RNF217: variants seen among roughly 807,000 people sequenced by gnomAD.
RNF217 encodes the protein ring finger protein 217, also known as E3 ubiquitin-protein ligase RNF217.
RNF217 carries 31 observed loss-of-function variants against 57.8 expected under a neutral mutation model. The ratio of observed to expected loss-of-function variants is 0.54; its 90% CI spans 0.40 to 0.72. The LOEUF (loss-of-function observed/expected upper bound fraction) is 0.72, where lower values mean the gene tolerates loss of function less well. Ranked by LOEUF, RNF217 falls within the 30% of genes least tolerant of loss-of-function variation. The pLI is 0.00. For synonymous variants in RNF217, 313 were observed against 294.0 expected, an observed-to-expected ratio of 1.06 and a Z score of -0.66; for missense variants, 696 against 708.3, an observed-to-expected ratio of 0.98 and a Z score of 0.20.
rs919172582 is a variant in RNF217, at chr6:125,013,976, G to T, written c.883-31235G>T. Among the ~76,000 whole-genome samples the T allele has an allele frequency of 2.0e-5, 3 of 152,148 alleles. No individual in the cohort carries two copies. In the East Asian group the frequency reaches 5.8e-4, roughly 29 times the overall value. On this transcript the variant is annotated intron_variant, in intron 1 of 5. Coordinates refer to ENST00000521654, the MANE Select transcript of RNF217 (RefSeq NM_001286398.3). ...CATGTGCAAGTTATACTGTCATCCT[G>T]TCTCTGTTTATAAAAGAAATTTATT... is the stretch of plus-strand genomic sequence containing the variant.
In RNF217 at chr6:124,982,535, C is replaced by CA. The variant is rs1028842258; in HGVS notation, c.882+19119dup. Among the ~76,000 whole-genome samples, 39 of 144,340 alleles carry CA rather than the reference C, an allele frequency of 2.7e-4. No individual in the cohort carries two copies. The South Asian group carries it at 2.8e-3, about 11-fold the overall frequency. The allele number at this position is 144,340 out of a possible 152,430, so 94.7% of individuals were successfully genotyped here. Reference sequence around the variant, plus strand: ...TAGTCTAATCCCCACCCCCAGCCTCCAAAAAAAAAAGGATTCCTGCATTGA... The same window carrying CA: ...TAGTCTAATCCCCACCCCCAGCCTCCAAAAAAAAAAAGGATTCCTGCATTGA... On this transcript the variant is annotated intron_variant, in intron 1 of 5. Coordinates refer to ENST00000521654, the MANE Select transcript of RNF217 (RefSeq NM_001286398.3).
intron 1 of RNF217, among the ~76,000 whole-genome samples, chr6:124,990,475 C>CCCT (rs1173457523): frequency 6.6e-6 from 1 of 152,134 alleles, no homozygotes; most frequent in Admixed American, 6.5e-5. Flanking sequence ...TTTTATATTT[C>CCCT]CCTGTAAACC....
chr6:125,066,885 G>A (rs1278510238), intron 3 of RNF217, among the ~76,000 whole-genome samples: 1 of 152,144 alleles, frequency 6.6e-6, no homozygotes, highest in East Asian at 1.9e-4. Flanking sequence ...ATGAGAATTT[G>A]TTGTGTGCCC....
At chr6:124,992,068 A>G (rs542757057) in intron 1 of RNF217, among the ~76,000 whole-genome samples, 15 of 152,274 alleles carry the variant, frequency 9.9e-5, no homozygotes, top group South Asian at 2.1e-4. Context: ...TAACATTGCA[A>G]ATTCTGATTT....
chr6:125,043,316 C>T (rs1582745372), intron 1 of RNF217, among the ~76,000 whole-genome samples: 1 of 152,016 alleles, frequency 6.6e-6, no homozygotes, highest in African/African-American at 2.4e-5. Flanking sequence ...CCCCTTCTCA[C>T]TTTTGTTTGG....
At chr6:124,963,595 C>T (rs1029013091) in intron 1 of RNF217, among the ~76,000 whole-genome samples, 169 bp downstream of exon 1, 3 of 152,220 alleles carry the variant, frequency 2.0e-5, no homozygotes, top group African/African-American at 7.2e-5. Context: ...TATGACCTCA[C>T]TGGTTTACTT....
chr6:124,996,826 ATTAC>A (rs1461867407), intron 1 of RNF217, among the ~76,000 whole-genome samples: 3 of 152,290 alleles, frequency 2.0e-5, no homozygotes, highest in Admixed American at 6.5e-5. Flanking sequence ...ATATCTTTAT[ATTAC>A]TTATCTATTT....
chr6:125,044,751 A>G (rs1787029291), intron 1 of RNF217, among the ~76,000 whole-genome samples: 2 of 152,134 alleles, frequency 1.3e-5, no homozygotes, highest in African/African-American at 4.8e-5. Context: ...CTTTTAAAAT[A>G]GTAAAATGTG....
At chr6:125,000,080 C>T (rs997725633) in intron 1 of RNF217, among the ~76,000 whole-genome samples, 1 of 152,050 alleles carries the variant, frequency 6.6e-6, no homozygotes, top group Non-Finnish European at 1.5e-5. Flanking sequence ...CTAGAGAAAC[C>T]TTGGCTTATG....
chr6:125,044,347 CATT>C, intron 1 of RNF217, among the ~76,000 whole-genome samples: 1 of 152,174 alleles, frequency 6.6e-6, no homozygotes, highest in Admixed American at 6.6e-5. Context: ...TCTAGCTACT[CATT>C]ATTTCAAAGT....
chr6:125,067,615 A>G (rs1181711267), intron 3 of RNF217, among the ~76,000 whole-genome samples: 1 of 152,176 alleles, frequency 6.6e-6, no homozygotes, highest in Non-Finnish European at 1.5e-5. Context: ...AGACAGAGTT[A>G]GAGTTATTTA....
At chr6:125,064,960 A>G (rs1787879579) in intron 3 of RNF217, among the ~76,000 whole-genome samples, 1 of 152,066 alleles carries the variant, frequency 6.6e-6, no homozygotes, top group South Asian at 2.1e-4. Context: ...TCATCAATTT[A>G]CACAGTAGTT....
intron 2 of RNF217, among the ~76,000 whole-genome samples, chr6:125,047,565 C>T (rs1787145208): frequency 6.6e-6 from 1 of 151,976 alleles, no homozygotes; most frequent in Non-Finnish European, 1.5e-5. Flanking sequence ...GGCAAATGGA[C>T]CAACATCTTA....
intron 1 of RNF217, among the ~76,000 whole-genome samples, chr6:124,991,777 TGG>T (rs1342868188): frequency 2.6e-5 from 4 of 152,216 alleles, no homozygotes; most frequent in Non-Finnish European, 4.4e-5. Flanking sequence ...AATAGCCACA[TGG>T]TACTATTCAA....
At chr6:124,973,770 G>A (rs1783852186) in intron 1 of RNF217, among the ~76,000 whole-genome samples, 2 of 152,038 alleles carry the variant, frequency 1.3e-5, no homozygotes, top group African/African-American at 2.4e-5. Context: ...TACAATACCT[G>A]TTCTGGTTAC....
At chr6:124,980,676 C>T (rs377619298) in intron 1 of RNF217, among the ~76,000 whole-genome samples, 4 of 149,710 alleles carry the variant, frequency 2.7e-5, no homozygotes, top group African/African-American at 9.9e-5. Context: ...TCGTGCCTGT[C>T]CTTTTCTTTG....
At chr6:125,073,375 A>G (rs567268843) in intron 3 of RNF217, among the ~76,000 whole-genome samples, 14 of 152,300 alleles carry the variant, frequency 9.2e-5, no homozygotes, top group South Asian at 2.1e-4. Flanking sequence ...CTTAAGCTTC[A>G]AAGACCTTCA....
chr6:124,997,035 A>G (rs1369548986), intron 1 of RNF217, among the ~76,000 whole-genome samples: 1 of 152,152 alleles, frequency 6.6e-6, no homozygotes, highest in East Asian at 1.9e-4. Flanking sequence ...AGGTTCTACA[A>G]ACACGGACGT....
chr6:125,082,709 A>C, intron 5 of RNF217, 155 bp from the exon 6 acceptor site: 1 of 1,281,600 alleles, frequency 7.8e-7, no homozygotes, highest in Non-Finnish European at 1.1e-6. Flanking sequence ...GAAATATTAA[A>C]GAATGAAATA....
Sources: gnomAD v4.1 joint callset for allele counts (sites outside exome capture counted in the v4.1 genomes callset) on GRCh38, gnomAD v4.1.1 for gene constraint, MANE v1.5 for transcripts, NCBI Gene and HGNC (gene_info 2026-07-23, HGNC 2026-07-21) for gene names.